The following AFG2A variants were observed in gnomAD, a reference collection of about 807,000 sequenced individuals.
AFG2A encodes the protein ATPase family gene 2 protein homolog A.
chr4:123,087,963 A>G, the AFG2A span, among the ~76,000 whole-genome samples: 1 of 152,174 alleles, frequency 6.6e-6, no homozygotes, highest in African/African-American at 2.4e-5. Flanking sequence ...TCTCTTCTCT[A>G]CACTGCAGGC....
chr4:123,190,802 A>G, the AFG2A span, among the ~76,000 whole-genome samples: 3 of 152,194 alleles, frequency 2.0e-5, no homozygotes, highest in African/African-American at 7.2e-5. Context: ...ATTGTGAAGA[A>G]TGTTATTAAG....
the AFG2A span, among the ~76,000 whole-genome samples, chr4:123,200,797 C>T: frequency 6.6e-6 from 1 of 152,190 alleles, no homozygotes; most frequent in Non-Finnish European, 1.5e-5. Context: ...ATGTCAGTTA[C>T]CTTCAAAAAG....
At chr4:123,089,999 GA>G in the AFG2A span, among the ~76,000 whole-genome samples, 1 of 151,854 alleles carries the variant, frequency 6.6e-6, no homozygotes, top group African/African-American at 2.4e-5. Flanking sequence ...TAAACCAAAG[GA>G]AAAAAAACTA....
chr4:123,103,872 A>G, the AFG2A span, among the ~76,000 whole-genome samples: 38 of 152,288 alleles, frequency 2.5e-4, no homozygotes, highest in African/African-American at 8.7e-4. Context: ...GCATTATGCT[A>G]AGTAAAAATA....
At chr4:123,228,492 A>G in the AFG2A span, among the ~76,000 whole-genome samples, 2 of 152,012 alleles carry the variant, frequency 1.3e-5, no homozygotes, top group African/African-American at 4.8e-5. Context: ...AGCCATGCAA[A>G]GCAGAACACA....
chr4:123,034,368 A>G, the AFG2A span, among the ~76,000 whole-genome samples: 1,839 of 152,198 alleles, frequency 0.012, 43 homozygotes, highest in African/African-American at 0.041. Flanking sequence ...CTGAGTGCTC[A>G]TAACCCCTCT....
At chr4:122,945,996 G>T in the AFG2A span, among the ~76,000 whole-genome samples, 1 of 151,198 alleles carries the variant, frequency 6.6e-6, no homozygotes, top group East Asian at 1.9e-4. Flanking sequence ...TCATGTCCCA[G>T]GTTGATTCTC....
the AFG2A span, among the ~76,000 whole-genome samples, chr4:123,028,570 C>T: frequency 2.6e-5 from 4 of 151,884 alleles, no homozygotes; most frequent in South Asian, 2.1e-4. Flanking sequence ...GAAATAAATT[C>T]GTGCATGTAA....
chr4:123,203,989 G>T, the AFG2A span, among the ~76,000 whole-genome samples: 1 of 152,138 alleles, frequency 6.6e-6, no homozygotes, highest in Non-Finnish European at 1.5e-5. Flanking sequence ...TTGGCTTGTA[G>T]TCTCTTCCTT....
chr4:122,979,306 A>G, the AFG2A span: 1 of 1,614,196 alleles, frequency 6.2e-7, no homozygotes, highest in South Asian at 1.1e-5. Context: ...ACTGGTGAAG[A>G]TTACTCTGAA....
At chr4:123,038,890 G>C in the AFG2A span, among the ~76,000 whole-genome samples, 1 of 152,004 alleles carries the variant, frequency 6.6e-6, no homozygotes, top group Non-Finnish European at 1.5e-5. Flanking sequence ...CCTTTCTGTG[G>C]CAGTGGAGTG....
chr4:122,929,531 A>G, the AFG2A span, among the ~76,000 whole-genome samples: 4 of 151,988 alleles, frequency 2.6e-5, no homozygotes, highest in Non-Finnish European at 4.4e-5. Context: ...CTGTCTCTAC[A>G]AAAAATACAA....
chr4:123,245,630 C>T, the AFG2A span, among the ~76,000 whole-genome samples: 2 of 152,078 alleles, frequency 1.3e-5, no homozygotes, highest in African/African-American at 4.8e-5. Flanking sequence ...ATTTTGTGCT[C>T]ATCATCAATT....
chr4:123,276,420 A>C, the AFG2A span, among the ~76,000 whole-genome samples: 7 of 152,160 alleles, frequency 4.6e-5, no homozygotes, highest in Admixed American at 1.3e-4. Flanking sequence ...ATTTTCTCCC[A>C]TTCTGTAGAT....
the AFG2A span, chr4:122,935,995 G>A: frequency 3.9e-6 from 5 of 1,283,460 alleles, no homozygotes; most frequent in Non-Finnish European, 5.2e-6. Context: ...CTTTTTGAAA[G>A]TAATTTTAAG....
At chr4:123,311,739 G>A in the AFG2A span, among the ~76,000 whole-genome samples, 80 of 151,844 alleles carry the variant, frequency 5.3e-4, 1 homozygote, top group South Asian at 0.016. Flanking sequence ...TGACCCTAAG[G>A]ACAGCCTTCT....
the AFG2A span, among the ~76,000 whole-genome samples, chr4:123,236,844 T>C: frequency 6.6e-6 from 1 of 152,206 alleles, no homozygotes; most frequent in Admixed American, 6.5e-5. Flanking sequence ...GGAACAAGAT[T>C]CTTCTAGATG....
At chr4:123,041,512 T>G in the AFG2A span, among the ~76,000 whole-genome samples, 1 of 151,880 alleles carries the variant, frequency 6.6e-6, no homozygotes, top group South Asian at 2.1e-4. Flanking sequence ...AACAGTTTTT[T>G]GGGGTTTTTT....
chr4:123,022,167 A>G, the AFG2A span, among the ~76,000 whole-genome samples: 1 of 152,082 alleles, frequency 6.6e-6, no homozygotes, highest in Non-Finnish European at 1.5e-5. Context: ...CAATGGCAAC[A>G]AAAGCCAAAA....
Sources: gnomAD v4.1 joint callset for allele counts (sites outside exome capture counted in the v4.1 genomes callset) on GRCh38, gnomAD v4.1.1 for gene constraint, MANE v1.5 for transcripts, NCBI Gene and HGNC (gene_info 2026-07-23, HGNC 2026-07-21) for gene names.